ZFHX3: variants seen among roughly 807,000 people sequenced by gnomAD.
The protein encoded by ZFHX3 is zinc finger homeobox 3, also known as zinc finger homeobox protein 3.
Under a neutral mutation model 279.1 loss-of-function variants are expected in ZFHX3, and 42 were observed. The observed-to-expected ratio is 0.15, with a 90% CI of 0.12 to 0.19. The LOEUF (loss-of-function observed/expected upper bound fraction) is 0.19. Among genes scored for constraint, ZFHX3 ranks in the 10% least tolerant of loss-of-function variants. The pLI is 1.00. For synonymous variants in ZFHX3, 2,293 were observed against 1,957.8 expected, an observed-to-expected ratio of 1.17 and a Z score of -4.52; for missense variants, 4,981 against 4,754.0, an observed-to-expected ratio of 1.05 and a Z score of -1.40.
At chr16:73,730,454 G>A (rs781342194) in intron 1 of ZFHX3, among the ~76,000 whole-genome samples, 1 of 151,722 alleles carries the variant, frequency 6.6e-6, no homozygotes, top group African/African-American at 2.4e-5. Flanking sequence ...CAGTTCACCT[G>A]TGTCATATAC....
chr16:73,878,209 A>G (rs2030016833), intron 1 of ZFHX3, among the ~76,000 whole-genome samples: 1 of 152,124 alleles, frequency 6.6e-6, no homozygotes, highest in African/African-American at 2.4e-5. Context: ...TTTTAGGTTT[A>G]ATGGTTTTAA....
intron 4 of ZFHX3, among the ~76,000 whole-genome samples, chr16:72,830,879 G>A (rs2037044892): frequency 6.6e-6 from 1 of 152,164 alleles, no homozygotes; most frequent in African/African-American, 2.4e-5. Context: ...GCTGTGAAGA[G>A]CACATTTTCT....
chr16:73,160,781 T>C (rs557556626), intron 5 of ZFHX3, among the ~76,000 whole-genome samples: 2 of 150,450 alleles, frequency 1.3e-5, no homozygotes, highest in South Asian at 2.1e-4. Flanking sequence ...TCTTTTTTTT[T>C]TTTTTTTTTT....
chr16:73,229,356 G>A (rs1046488436), intron 5 of ZFHX3, among the ~76,000 whole-genome samples: 7 of 152,146 alleles, frequency 4.6e-5, no homozygotes, highest in African/African-American at 7.2e-5. Flanking sequence ...ATAAGATTTG[G>A]TCCAGACTTG....
At chr16:73,362,006 G>A (rs1229524699) in intron 3 of ZFHX3, among the ~76,000 whole-genome samples, 1 of 152,184 alleles carries the variant, frequency 6.6e-6, no homozygotes, top group Non-Finnish European at 1.5e-5. Context: ...GAATTTAGGA[G>A]CCAATTGTCA....
chr16:73,313,389 C>A (rs1203623942), intron 4 of ZFHX3, among the ~76,000 whole-genome samples: 1 of 152,204 alleles, frequency 6.6e-6, no homozygotes, highest in African/African-American at 2.4e-5. Flanking sequence ...TAGTCATCAT[C>A]ATCACAACCA....
intron 4 of ZFHX3, among the ~76,000 whole-genome samples, chr16:72,842,741 G>A (rs1017523133): frequency 3.3e-5 from 5 of 152,044 alleles, no homozygotes; most frequent in Admixed American, 6.5e-5. Flanking sequence ...GAAAAAAACC[G>A]GATCAATTTC....
chr16:72,957,350 G>A, intron 2 of ZFHX3, 77 bp downstream of exon 2: 1 of 1,490,274 alleles, frequency 6.7e-7, no homozygotes, highest in East Asian at 2.3e-5. Flanking sequence ...GAATCCACAG[G>A]ACTATCTCAC....
chr16:72,795,549 G>A lies in ZFHX3; in HGVS notation c.7133C>T (p.Thr2378Ile), dbSNP rs2035875826. The change falls in exon 9 of 10, where the codon ACC becomes ATC. Residue 2378 changes from threonine (T) to isoleucine (I), a missense_variant. Around this residue, in one of 7 missense-constraint regions of ZFHX3, gnomAD observed 744 missense variants for 701.3 expected, o/e 1.06. Coordinates refer to ENST00000268489, the MANE Select transcript of ZFHX3 (RefSeq NM_006885.4). ...CATCGGGGTACTGCAGGATGAGCTG[G>A]TAGGCGTCAGGATTTCCATGGCATC... ...SMDAMEILTP[T>I]SSSCSTPMPS... 2 of 1,614,122 alleles carry A rather than the reference G, an allele frequency of 1.2e-6. No homozygotes were observed. The highest frequency in any genetic ancestry group is 1.7e-6 in the Non-Finnish European group (2 of 1,180,026).
chr16:73,088,154 C>CT (rs1312216165), intron 8 of ZFHX3, among the ~76,000 whole-genome samples: 1 of 137,360 alleles, frequency 7.3e-6, no homozygotes, highest in African/African-American at 2.7e-5. Context: ...TTTTTTTTTT[C>CT]TTTTTTTTTG....
chr16:73,869,761 G>C (rs1035622811), intron 1 of ZFHX3, among the ~76,000 whole-genome samples: 1 of 152,184 alleles, frequency 6.6e-6, no homozygotes, highest in East Asian at 1.9e-4. Context: ...TGATACATAA[G>C]ACTTAGAGAG....
chr16:73,112,282 G>A (rs1249470792), intron 7 of ZFHX3, among the ~76,000 whole-genome samples: 1 of 151,950 alleles, frequency 6.6e-6, no homozygotes, highest in Non-Finnish European at 1.5e-5. Context: ...AGCCTACAGA[G>A]GAGTCGACAC....
chr16:73,867,330 T>A (rs1476663509), intron 1 of ZFHX3, among the ~76,000 whole-genome samples: 3 of 152,088 alleles, frequency 2.0e-5, no homozygotes, highest in African/African-American at 7.2e-5. Context: ...GTAAGTGGGG[T>A]ACAGCCAGAT....
At chr16:73,090,021 C>T (rs895769772) in intron 8 of ZFHX3, among the ~76,000 whole-genome samples, 1 of 152,210 alleles carries the variant, frequency 6.6e-6, no homozygotes, top group Non-Finnish European at 1.5e-5. Context: ...TTGCCTGCAA[C>T]AATATCAACC....
At chr16:73,710,593 G>C (rs537858323) in intron 1 of ZFHX3, among the ~76,000 whole-genome samples, 2 of 152,236 alleles carry the variant, frequency 1.3e-5, no homozygotes, top group Admixed American at 6.5e-5. Flanking sequence ...TCAGTTCTCT[G>C]AACCTCCATG....
At chr16:73,060,661 G>A (rs1944645772), upstream of ZFHX3, 1 of 151,608 alleles carries the variant, frequency 6.6e-6, no homozygotes, top group African/African-American at 2.4e-5. Flanking sequence ...TACAATGTCT[G>A]GAATAAAATA....
At chr16:73,670,343 T>TA (rs2052891824) in intron 2 of ZFHX3, among the ~76,000 whole-genome samples, 1 of 151,848 alleles carries the variant, frequency 6.6e-6, no homozygotes, top group Non-Finnish European at 1.5e-5. Flanking sequence ...GGAATAGGAG[T>TA]AAAATGGGAT....
intron 2 of ZFHX3, among the ~76,000 whole-genome samples, chr16:73,642,648 C>G (rs1011755225): frequency 6.6e-6 from 1 of 152,092 alleles, no homozygotes; most frequent in East Asian, 1.9e-4. Context: ...TATATAAATA[C>G]CACATACCTC....
rs779491169 is a variant in ZFHX3, at chr16:72,795,301, C to T, written c.7381G>A (p.Glu2461Lys). The change falls in exon 9 of 10, where the codon GAG becomes AAG. Residue 2461 changes from glutamate to lysine, a missense_variant. Glu to Lys is a moderately conservative substitution (Grantham distance 56, BLOSUM62 1). This residue lies in a region of ZFHX3 where 744 missense variants were observed against 701.3 expected (regional missense o/e 1.06). Coordinates refer to ENST00000268489, the MANE Select transcript of ZFHX3 (RefSeq NM_006885.4). ...KPELQQQEQP[E>K]QKTNTPQQKL... ...TGCTGGGGAGTGTTGGTCTTCTGCT[C>T]GGGCTGCTCTTGCTGCTGCAGCTCT... 1.9e-5 allele frequency: 30 copies of T among 1,613,730 alleles called. No individual in the cohort carries two copies. Among genetic ancestry groups the T allele is most frequent in the Admixed American group, 1.0e-4 (6 of 59,976 alleles).
Sources: allele counts gnomAD v4.1 joint callset (sites outside exome capture counted in the v4.1 genomes callset), GRCh38; gene constraint gnomAD v4.1.1; regional missense constraint gnomAD v4.1.1; transcripts MANE v1.5; gene names NCBI Gene and HGNC (gene_info 2026-07-23, HGNC 2026-07-21).